Variants in VTI1A observed in about 807,000 individuals in gnomAD.
The protein encoded by VTI1A is vesicle transport through interaction with t-SNAREs 1A.
In VTI1A, 22 loss-of-function variants were observed where a neutral mutation model predicts 34.9. The ratio of observed to expected loss-of-function variants is 0.63; its 90% CI spans 0.45 to 0.90. The LOEUF is 0.90. VTI1A is among the 40% of genes least tolerant of loss of function. The probability of loss-of-function intolerance (pLI) is 0.00; values close to 1 mark genes in which losing one functional copy is unlikely to be tolerated. For synonymous variants in VTI1A, 87 were observed against 97.3 expected (o/e 0.89, Z 0.62); for missense variants, 268 against 275.6 (o/e 0.97, Z 0.20).
At chr10:112,842,287 C>T in the VTI1A span, among the ~76,000 whole-genome samples, 1 of 151,970 alleles carries the variant, frequency 6.6e-6, no homozygotes, top group Non-Finnish European at 1.5e-5. Flanking sequence ...TGAGACCTGC[C>T]CCACCCTGCT....
intron 3 of VTI1A, among the ~76,000 whole-genome samples, chr10:112,519,120 A>G (rs1299498147): frequency 6.6e-6 from 1 of 152,136 alleles, no homozygotes; most frequent in Admixed American, 6.6e-5. Context: ...AAACTGTCGC[A>G]ACATGGGTCC....
the VTI1A span, among the ~76,000 whole-genome samples, chr10:112,838,177 G>A: frequency 4.4e-3 from 667 of 152,336 alleles, 10 homozygotes; most frequent in East Asian, 0.035. Context: ...GGCCAAGCCC[G>A]CAAGGCAGGT....
downstream of VTI1A, among the ~76,000 whole-genome samples, chr10:112,823,186 G>T (rs528994054): frequency 3.3e-5 from 5 of 152,254 alleles, no homozygotes; most frequent in Non-Finnish European, 5.9e-5. Context: ...CTGAGGCTGA[G>T]TAGGGCTGAC....
At chr10:112,546,153 ATG>A (rs1366878713) in intron 5 of VTI1A, among the ~76,000 whole-genome samples, 3 of 151,234 alleles carry the variant, frequency 2.0e-5, no homozygotes, top group African/African-American at 4.9e-5. Context: ...GTGCGTATAT[ATG>A]TGTGTATATA....
At chr10:112,623,597 T>C (rs1261649102) in intron 5 of VTI1A, among the ~76,000 whole-genome samples, 1 of 152,002 alleles carries the variant, frequency 6.6e-6, no homozygotes, top group Non-Finnish European at 1.5e-5. Flanking sequence ...CAGGGGCACA[T>C]TCTCCCCAAC....
At chr10:112,740,059 G>A (rs1850638978) in intron 7 of VTI1A, among the ~76,000 whole-genome samples, 1 of 152,114 alleles carries the variant, frequency 6.6e-6, no homozygotes, top group Non-Finnish European at 1.5e-5. Flanking sequence ...TTTGTGAATG[G>A]TTTCGTCATT....
At chr10:112,664,696 T>C (rs1847580691) in intron 5 of VTI1A, among the ~76,000 whole-genome samples, 1 of 152,144 alleles carries the variant, frequency 6.6e-6, no homozygotes, top group South Asian at 2.1e-4. Context: ...TGTTTCTCTA[T>C]AAAAAGGGGC....
At chr10:112,632,592 C>T (rs762831507) in intron 5 of VTI1A, among the ~76,000 whole-genome samples, 111 of 152,298 alleles carry the variant, frequency 7.3e-4, no homozygotes, top group Non-Finnish European at 1.0e-3. Flanking sequence ...CAGGGATAGA[C>T]GGGATTCACA....
intron 5 of VTI1A, among the ~76,000 whole-genome samples, chr10:112,600,577 C>G (rs970399015): frequency 6.6e-6 from 1 of 152,162 alleles, no homozygotes; most frequent in African/African-American, 2.4e-5. Flanking sequence ...TCCTGACCAC[C>G]AGTCTAAAAT....
At position 112,649,069 on chromosome 10, in the gene VTI1A, T is replaced by G. The variant is rs75280215; in HGVS notation, c.428-19149T>G. 8.4e-3 allele frequency among the ~76,000 whole-genome samples: 1,280 copies of G among 152,236 alleles called. 20 individuals are homozygous for G. The highest frequency in any genetic ancestry group is 0.029 in the African/African-American group (1,214 of 41,534). ...ATTTGCCAGTGATAAATGGGGAAGT[T>G]GACTAGCTAACTAATAAAGATTTGT... On this transcript the variant is annotated intron_variant, in intron 5 of 7. Transcript: ENST00000393077.
chr10:112,528,134 A>C (rs902143274), intron 4 of VTI1A, among the ~76,000 whole-genome samples: 6 of 152,282 alleles, frequency 3.9e-5, no homozygotes, highest in African/African-American at 1.4e-4. Flanking sequence ...AAATGAACAT[A>C]AATCAGTCAC....
intron 7 of VTI1A, among the ~76,000 whole-genome samples, chr10:112,731,575 CAAAA>C (rs34452346): frequency 8.6e-6 from 1 of 116,926 alleles, no homozygotes. Flanking sequence ...AACTCCATCT[CAAAA>C]AAAAAAAAAA....
rs115671994 is a variant in VTI1A, at chr10:112,753,940, T to G, written c.561-61350T>G. Among the ~76,000 whole-genome samples, 506 of 152,210 alleles carry G rather than the reference T, an allele frequency of 3.3e-3. 4 individuals carry two copies. Among genetic ancestry groups the G allele is most frequent in the African/African-American group, 0.012 (478 of 41,526 alleles). On this transcript the variant is annotated intron_variant, in intron 7 of 7. Coordinates refer to ENST00000393077, the MANE Select transcript of VTI1A (RefSeq NM_145206.4). The stretch of plus-strand genomic sequence containing the variant: ...CTTTCCACCATCAAGTCTAAAACTG[T>G]AAGAAGAAGAACAGTATACACAGCA...
At chr10:112,721,230 T>G (rs538322411) in intron 7 of VTI1A, among the ~76,000 whole-genome samples, 1 of 152,340 alleles carries the variant, frequency 6.6e-6, no homozygotes, top group South Asian at 2.1e-4. Flanking sequence ...TTGCTTCCTG[T>G]GCCATCTTCC....
At chr10:112,759,710 G>C (rs1210534709) in intron 7 of VTI1A, among the ~76,000 whole-genome samples, 1 of 152,076 alleles carries the variant, frequency 6.6e-6, no homozygotes, top group African/African-American at 2.4e-5. Context: ...AGATTCAAAG[G>C]AACTGCATGC....
chr10:112,767,334 C>T lies in VTI1A; in HGVS notation c.561-47956C>T, dbSNP rs192646097. Among the ~76,000 whole-genome samples the T allele has an allele frequency of 3.5e-3, 538 of 152,266 alleles. No individual in the cohort carries two copies. The highest frequency in any genetic ancestry group is 4.7e-3 in the Non-Finnish European group (322 of 68,024). ...TGGAGATCCTGGAATTTGAATCCAGCTGGTCTGACCTCAGAGCCCATACTC... is the reference window on the plus strand; with the variant it reads ...TGGAGATCCTGGAATTTGAATCCAGTTGGTCTGACCTCAGAGCCCATACTC... On this transcript the variant is annotated intron_variant, in intron 7 of 7. Coordinates refer to ENST00000393077, the MANE Select transcript of VTI1A (RefSeq NM_145206.4). This position sits in a 1 kb window ranked among gnomAD's most constrained non-coding sequence, Gnocchi z 4.0.
At chr10:112,834,994 T>C in the VTI1A span, among the ~76,000 whole-genome samples, 24 of 152,064 alleles carry the variant, frequency 1.6e-4, no homozygotes, top group African/African-American at 5.8e-4. Flanking sequence ...GATTAGTTCA[T>C]CCAACTGAAA....
At chr10:112,618,534 G>GAGAGAGAGAGAGAGAGAGAA (rs1554922606) in intron 5 of VTI1A, among the ~76,000 whole-genome samples, 7 of 128,828 alleles carry the variant, frequency 5.4e-5, no homozygotes, top group East Asian at 2.4e-4. Context: ...TAGAGAGAGA[G>GAGAGAGAGAGAGAGAGAGAA]AGAGAGAGAG....
intron 5 of VTI1A, among the ~76,000 whole-genome samples, chr10:112,664,735 G>A (rs1418022637): frequency 6.6e-6 from 1 of 152,108 alleles, no homozygotes; most frequent in Non-Finnish European, 1.5e-5. Flanking sequence ...TTGATTCTGG[G>A]TAACTGTAAA....
Sources: allele counts gnomAD v4.1 joint callset (sites outside exome capture counted in the v4.1 genomes callset), GRCh38; gene constraint gnomAD v4.1.1; non-coding constraint Gnocchi (gnomAD v3.1); transcripts MANE v1.5; gene names NCBI Gene and HGNC (gene_info 2026-07-23, HGNC 2026-07-21).